NRXN1: variants seen among roughly 807,000 people sequenced by gnomAD.
The protein encoded by NRXN1 is neurexin 1.
A neutral mutation model predicts 150.9 loss-of-function variants in NRXN1; 39 were observed. That is an observed-to-expected ratio of 0.26 (90% confidence interval 0.20 to 0.34). NRXN1 has a LOEUF of 0.34. Among genes scored for constraint, NRXN1 ranks in the 10% least tolerant of loss-of-function variants. NRXN1 has a pLI of 1.00. For synonymous variants in NRXN1, 924 were observed against 757.0 expected, an observed-to-expected ratio of 1.22 and a Z score of -3.62; for missense variants, 1,815 against 1,949.9, an observed-to-expected ratio of 0.93 and a Z score of 1.30.
chr2:50,058,676 A>T (rs1044230642), intron 19 of NRXN1, among the ~76,000 whole-genome samples: 3 of 152,160 alleles, frequency 2.0e-5, no homozygotes, highest in African/African-American at 7.2e-5. Flanking sequence ...TCGCTCCCAT[A>T]ATCCCTACAA....
At chr2:50,257,654 A>G (rs2152906607) in intron 17 of NRXN1, among the ~76,000 whole-genome samples, 1 of 152,104 alleles carries the variant, frequency 6.6e-6, no homozygotes, top group East Asian at 1.9e-4. Flanking sequence ...TTTCTGTACT[A>G]TACATATAAT....
intron 18 of NRXN1, among the ~76,000 whole-genome samples, chr2:50,100,023 GT>G (rs965939727): frequency 2.6e-5 from 4 of 152,050 alleles, no homozygotes; most frequent in Non-Finnish European, 5.9e-5. Context: ...TACTAGTTGA[GT>G]TTTTTGAAAC....
chr2:50,166,133 T>C (rs2678223), intron 18 of NRXN1, among the ~76,000 whole-genome samples: 49,917 of 151,930 alleles, frequency 0.33, 8,634 homozygotes, highest in Non-Finnish European at 0.38. Context: ...TCAAAAGAAA[T>C]GCTCATTGAA....
chr2:50,114,179 C>G (rs1271467360), intron 18 of NRXN1, among the ~76,000 whole-genome samples: 7 of 151,954 alleles, frequency 4.6e-5, no homozygotes, highest in African/African-American at 1.7e-4. Flanking sequence ...AAAAAGAAAA[C>G]AAGATAGATT....
intron 2 of NRXN1, among the ~76,000 whole-genome samples, chr2:50,995,512 G>C (rs1024180552): frequency 6.6e-6 from 1 of 151,430 alleles, no homozygotes; most frequent in Non-Finnish European, 1.5e-5. Context: ...GCCTGAGGCA[G>C]GAAAATCGCA....
intron 17 of NRXN1, among the ~76,000 whole-genome samples, chr2:50,238,784 G>C (rs1055835495): frequency 6.6e-6 from 1 of 151,940 alleles, no homozygotes; most frequent in Admixed American, 6.6e-5. Context: ...TCTGCAATAT[G>C]CCTATTGTAC....
At chr2:49,949,228 T>C (rs571424492) in intron 21 of NRXN1, among the ~76,000 whole-genome samples, 1 of 151,942 alleles carries the variant, frequency 6.6e-6, no homozygotes, top group South Asian at 2.1e-4. Context: ...AGAGGGAGCA[T>C]TTGGTTGGGG....
intron 8 of NRXN1, among the ~76,000 whole-genome samples, chr2:50,565,799 T>C (rs1008148874): frequency 1.3e-5 from 2 of 152,142 alleles, no homozygotes; most frequent in Non-Finnish European, 2.9e-5. Context: ...TCCTCCCAAG[T>C]ATAACTGTCA....
At chr2:50,152,223 C>A (rs890395723) in intron 18 of NRXN1, among the ~76,000 whole-genome samples, 3 of 151,786 alleles carry the variant, frequency 2.0e-5, no homozygotes, top group African/African-American at 7.2e-5. Flanking sequence ...CAGCCTCTGG[C>A]AATCATCATT....
chr2:50,520,168 T>C (rs2092746377), intron 12 of NRXN1, among the ~76,000 whole-genome samples: 5 of 151,942 alleles, frequency 3.3e-5, no homozygotes, highest in Admixed American at 3.3e-4. Context: ...AATCCTAGGC[T>C]ACTTTTATGT....
intron 2 of NRXN1, among the ~76,000 whole-genome samples, chr2:50,974,973 T>C (rs932255035): frequency 6.6e-6 from 1 of 152,068 alleles, no homozygotes. Context: ...CTGAATTAAT[T>C]TTATGATCCT....
intron 2 of NRXN1, among the ~76,000 whole-genome samples, chr2:50,963,450 T>G (rs1693530000): frequency 6.6e-6 from 1 of 151,674 alleles, no homozygotes; most frequent in South Asian, 2.1e-4. Flanking sequence ...TTCTTTAATG[T>G]ATCTTTGTAT....
chr2:50,230,415 G>A (rs953220175), intron 18 of NRXN1, among the ~76,000 whole-genome samples: 1 of 151,974 alleles, frequency 6.6e-6, no homozygotes, highest in Non-Finnish European at 1.5e-5. Flanking sequence ...TACAGAATTT[G>A]CCTTTACCCA....
In NRXN1 at chr2:50,079,246, G is replaced by A. The variant is rs531669893; in HGVS notation, c.3718+12077C>T. On this transcript the variant is annotated intron_variant, in intron 19 of 22. Transcript: ENST00000401669. Reference sequence around the variant, plus strand: ...GAAGTTTTTTCGGATTAGCTCTTACGCTCCTTTGTCATGCTTCTCTCTCAG... The same window carrying A: ...GAAGTTTTTTCGGATTAGCTCTTACACTCCTTTGTCATGCTTCTCTCTCAG... Among the ~76,000 whole-genome samples, 19 of 151,928 alleles carry A rather than the reference G, an allele frequency of 1.3e-4. No homozygotes were observed. In the East Asian group the frequency reaches 2.3e-3, roughly 19 times the overall value.
At chr2:50,202,858 A>ATT (rs145667152) in intron 18 of NRXN1, among the ~76,000 whole-genome samples, 1 of 151,518 alleles carries the variant, frequency 6.6e-6, no homozygotes, top group Non-Finnish European at 1.5e-5. Flanking sequence ...ACTGATCCAC[A>ATT]TTTTTTTTTG....
Position 51,028,234 on chromosome 2 carries a change from G to A in NRXN1, c.40C>T (p.Leu14=). The A allele has an allele frequency of 6.8e-7, 1 of 1,472,332 alleles. No individual in the cohort carries two copies. Among genetic ancestry groups the A allele is most frequent in the East Asian group, 2.4e-5 (1 of 42,020 alleles). The allele number at this position is 1,472,332 out of a possible 1,614,324, so 91.2% of individuals were successfully genotyped here. ...CCCAGGAGCAGCAGCGAGAGGCACA[G>A]AAGAAAACAGCCCCCGCGCTGGAGC... ...ALLQRGGCFL[L]CLSLLLLGCW... Residue 14 remains leucine (L), a synonymous_variant, in exon 2 of 23, where the codon CTG becomes TTG. Coordinates refer to ENST00000401669, the MANE Select transcript of NRXN1 (RefSeq NM_001330078.2).
chr2:50,447,449 C>T (rs2086519865), intron 17 of NRXN1, among the ~76,000 whole-genome samples: 2 of 121,772 alleles, frequency 1.6e-5, no homozygotes, highest in Non-Finnish European at 3.2e-5. Context: ...CACTGCTCTC[C>T]AGCCTGGGTG....
intron 18 of NRXN1, among the ~76,000 whole-genome samples, chr2:50,127,922 G>C (rs1054266937): frequency 6.6e-6 from 1 of 152,080 alleles, no homozygotes; most frequent in African/African-American, 2.4e-5. Context: ...CACTCCTCAA[G>C]GAACATTAAG....
chr2:50,352,576 G>A (rs780285098), intron 17 of NRXN1, among the ~76,000 whole-genome samples: 1 of 151,712 alleles, frequency 6.6e-6, no homozygotes, highest in Non-Finnish European at 1.5e-5. Context: ...AAGATAAGCA[G>A]ACCCCACATA....
Sources: allele counts gnomAD v4.1 joint callset (sites outside exome capture counted in the v4.1 genomes callset), GRCh38; gene constraint gnomAD v4.1.1; transcripts MANE v1.5; gene names NCBI Gene and HGNC (gene_info 2026-07-23, HGNC 2026-07-21).